The following GALNTL6 variants were observed in gnomAD, a reference collection of about 807,000 sequenced individuals.
The protein encoded by GALNTL6 is polypeptide N-acetylgalactosaminyltransferase like 6.
A neutral mutation model predicts 73.7 loss-of-function variants in GALNTL6; 46 were observed. The ratio of observed to expected loss-of-function variants is 0.62; its 90% CI spans 0.49 to 0.80. The LOEUF is 0.80. Ranked by LOEUF, GALNTL6 falls within the 30% of genes least tolerant of loss-of-function variation. GALNTL6 has a pLI of 0.00. For synonymous variants in GALNTL6, 259 were observed against 263.7 expected (o/e 0.98, Z 0.17); for missense variants, 604 against 755.0 (o/e 0.80, Z 2.34).
chr4:173,022,393 G>C (rs1391240834), intron 12 of GALNTL6, among the ~76,000 whole-genome samples: 2 of 152,182 alleles, frequency 1.3e-5, no homozygotes, highest in African/African-American at 2.4e-5. Flanking sequence ...AAATGGCTTT[G>C]AGCCAGAACA....
chr4:172,487,254 C>T (rs1256031138), intron 5 of GALNTL6, among the ~76,000 whole-genome samples: 1 of 143,038 alleles, frequency 7.0e-6, no homozygotes, highest in Non-Finnish European at 1.5e-5. Flanking sequence ...TTTCTTTCTT[C>T]CTTCCTTCCT....
chr4:172,468,188 A>G (rs1732908980), intron 5 of GALNTL6, among the ~76,000 whole-genome samples: 1 of 152,114 alleles, frequency 6.6e-6, no homozygotes, highest in Non-Finnish European at 1.5e-5. Flanking sequence ...CACTGTACTC[A>G]GCCTACATTT....
rs1306206673 is a variant in GALNTL6 at position 172,809,962 on chromosome 4, A to G, written c.739+416A>G. On this transcript the variant is annotated intron_variant, in intron 6 of 12. Transcript: ENST00000506823. The surrounding 1 kb of genome is among the most constrained non-coding windows in gnomAD (Gnocchi z 4.4). ...ACACACACACACACATTGAACAAGT[A>G]TTACAGGATTGTTAAGAAAAGAGGA... Among the ~76,000 whole-genome samples, 1 of 151,454 alleles carries G rather than the reference A, an allele frequency of 6.6e-6. No individual in the cohort carries two copies. Among genetic ancestry groups the G allele is most frequent in the Non-Finnish European group, 1.5e-5 (1 of 67,888 alleles).
chr4:171,953,646 A>T (rs1432359472), intron 2 of GALNTL6, among the ~76,000 whole-genome samples: 1 of 152,188 alleles, frequency 6.6e-6, no homozygotes, highest in African/African-American at 2.4e-5. Flanking sequence ...ATCTCCTAGA[A>T]ATAGAATTTG....
intron 5 of GALNTL6, among the ~76,000 whole-genome samples, chr4:172,454,569 G>A (rs550837768): frequency 2.0e-5 from 3 of 152,164 alleles, no homozygotes; most frequent in Non-Finnish European, 2.9e-5. Context: ...GCAGCCCACT[G>A]GGCAGAATTC....
In GALNTL6 at chr4:172,506,420, C is replaced by T. The variant is rs1412273719; in HGVS notation, c.553+157731C>T. 1.3e-4 allele frequency among the ~76,000 whole-genome samples: 7 copies of T among 54,248 alleles called. 3 individuals are homozygous for T. The highest frequency in any genetic ancestry group is 3.2e-4 in the African/African-American group (7 of 21,656). 35.6% of individuals were successfully genotyped at this position (54,248 alleles called of 152,430 possible). A position where few individuals can be genotyped will look rare whatever the true frequency, so the allele number is the denominator to read the frequency against. On this transcript the variant is annotated intron_variant, in intron 5 of 12. Transcript: ENST00000506823. ...CTTATCAACACCCTCAGCTGTCCTA[C>T]GATCATTAAACTCTTTCTCTGCTGA...
intron 5 of GALNTL6, among the ~76,000 whole-genome samples, chr4:172,633,758 T>A (rs1739517736): frequency 1.3e-5 from 2 of 152,280 alleles, no homozygotes; most frequent in East Asian, 1.9e-4. Flanking sequence ...ATTGTAATTA[T>A]CCCCATGTGT....
intron 10 of GALNTL6, among the ~76,000 whole-genome samples, chr4:172,962,687 T>C (rs1252045566): frequency 6.6e-6 from 1 of 152,178 alleles, no homozygotes; most frequent in East Asian, 1.9e-4. Context: ...CTCACCATTT[T>C]ATGCACTTGT....
chr4:172,416,598 G>T (rs1404486374), intron 5 of GALNTL6, among the ~76,000 whole-genome samples: 1 of 151,892 alleles, frequency 6.6e-6, no homozygotes, highest in East Asian at 1.9e-4. Flanking sequence ...GTTCAATTTT[G>T]TTTTTATTGA....
At chr4:172,114,914 T>A (rs1279184830) in intron 2 of GALNTL6, among the ~76,000 whole-genome samples, 1 of 152,010 alleles carries the variant, frequency 6.6e-6, no homozygotes, top group Non-Finnish European at 1.5e-5. Flanking sequence ...TCATGCTTCT[T>A]TTGTTTAAGT....
chr4:172,452,954 A>C lies in GALNTL6; in HGVS notation c.553+104265A>C, dbSNP rs1732262965. On this transcript the variant is annotated intron_variant, in intron 5 of 12. Transcript: ENST00000506823. ...GCGGTGGCTCACACCTGTAATCCCA[A>C]AACTTCGGGAGGCCGAAGTGAGTGT... Among the ~76,000 whole-genome samples, 3 of 152,336 alleles carry C rather than the reference A, an allele frequency of 2.0e-5. No individual in the cohort carries two copies. In the South Asian group the frequency reaches 6.2e-4, roughly 32 times the overall value.
intron 2 of GALNTL6, among the ~76,000 whole-genome samples, chr4:171,896,509 G>A (rs1331423795): frequency 3.9e-5 from 6 of 152,094 alleles, no homozygotes; most frequent in South Asian, 2.1e-4. Flanking sequence ...TATTTCTCAC[G>A]GTTCTGGAGC....
At chr4:172,264,555 AATATATATATATATAT>A (rs201920170) in intron 3 of GALNTL6, among the ~76,000 whole-genome samples, 21,214 of 103,746 alleles carry the variant, frequency 0.2, 2,415 homozygotes, top group Admixed American at 0.3. Flanking sequence ...ATATATGCCA[AATATATATATATATAT>A]ATATATATAT....
rs144455627 is a variant in GALNTL6 at position 172,770,996 on chromosome 4, T to C, written c.554-38365T>C. On this transcript the variant is annotated intron_variant, in intron 5 of 12. Transcript: ENST00000506823. ...TTGAACACTATTTTTGCTGACTTTG[T>C]TGTATTTTAAATAAAATTCTGCAGT... Among the ~76,000 whole-genome samples, 414 of 152,332 alleles carry C rather than the reference T, an allele frequency of 2.7e-3. 3 individuals are homozygous for C. The highest frequency in any genetic ancestry group is 4.6e-3 in the Non-Finnish European group (315 of 68,028).
chr4:171,952,325 G>C (rs1738909188), intron 2 of GALNTL6, among the ~76,000 whole-genome samples: 1 of 151,876 alleles, frequency 6.6e-6, no homozygotes, highest in Admixed American at 6.6e-5. Context: ...TTTTCCTAAA[G>C]CACTGTTTTG....
At chr4:172,652,734 C>T (rs1740533478) in intron 5 of GALNTL6, among the ~76,000 whole-genome samples, 1 of 152,128 alleles carries the variant, frequency 6.6e-6, no homozygotes. Flanking sequence ...GGGTATTGAA[C>T]TAAATTTTAA....
intron 2 of GALNTL6, among the ~76,000 whole-genome samples, chr4:172,087,468 C>A (rs1420497488): frequency 2.1e-3 from 298 of 141,042 alleles, no homozygotes; most frequent in African/African-American, 6.8e-3. Flanking sequence ...ACAAAAAAAA[C>A]AAAAAAAACA....
chr4:172,749,711 A>G (rs1247173016), intron 5 of GALNTL6, among the ~76,000 whole-genome samples: 1 of 151,798 alleles, frequency 6.6e-6, no homozygotes, highest in Non-Finnish European at 1.5e-5. Flanking sequence ...TCTAATTCCC[A>G]ATTTCATACT....
At chr4:172,527,972 T>C (rs1259813297) in intron 5 of GALNTL6, among the ~76,000 whole-genome samples, 1 of 152,078 alleles carries the variant, frequency 6.6e-6, no homozygotes, top group Non-Finnish European at 1.5e-5. Flanking sequence ...TTTACAACTT[T>C]TATCAACTAT....
Sources: gnomAD v4.1 joint callset for allele counts (sites outside exome capture counted in the v4.1 genomes callset) on GRCh38, gnomAD v4.1.1 for gene constraint, Gnocchi (gnomAD v3.1) non-coding constraint, MANE v1.5 for transcripts, NCBI Gene and HGNC (gene_info 2026-07-23, HGNC 2026-07-21) for gene names.